The following ANKH variants were observed in gnomAD, a reference collection of about 807,000 sequenced individuals.
The protein encoded by ANKH is ANKH inorganic pyrophosphate transport regulator, also known as mineralization regulator ANKH.
ANKH carries 15 observed loss-of-function variants against 49.0 expected under a neutral mutation model. The observed-to-expected ratio is 0.31, with a 90% CI of 0.20 to 0.47. ANKH has a LOEUF of 0.47. Ranked by LOEUF, ANKH falls within the 20% of genes least tolerant of loss-of-function variation. The pLI is 1.00. For synonymous variants in ANKH, 273 were observed against 260.0 expected (o/e 1.05, Z -0.48); for missense variants, 429 against 652.0 (o/e 0.66, Z 3.72).
rs1268124678 is a variant in ANKH at position 14,768,992 on chromosome 5, A to C, written c.296T>G (p.Val99Gly). 3.7e-6 allele frequency: 6 copies of C among 1,614,092 alleles called. No individual in the cohort carries two copies. The highest frequency in any genetic ancestry group is 5.1e-6 in the Non-Finnish European group (6 of 1,180,044). The change falls in exon 2 of 12, where the codon GTC (valine) becomes GGC (glycine). Residue 99 changes from valine to glycine, a missense_variant. Val to Gly is a moderately radical substitution (Grantham distance 109, BLOSUM62 -3). Around this residue, in one of 2 missense-constraint regions of ANKH, gnomAD observed 378 missense variants for 615.3 expected, o/e 0.61. Coordinates refer to ENST00000284268, the MANE Select transcript of ANKH (RefSeq NM_054027.6). ...GGCCTCACCTATCAGTGTGTGAAAGACGGCAGCGATGGCCCCTGCCACCAC... is the reference window on the plus strand; with the variant it reads ...GGCCTCACCTATCAGTGTGTGAAAGCCGGCAGCGATGGCCCCTGCCACCAC... ...CMVVAGAIAAVFHTLIAYSDL... is the reference protein window; with the variant it reads ...CMVVAGAIAAGFHTLIAYSDL...
chr5:14,818,394 C>T (rs1741099963), intron 1 of ANKH, among the ~76,000 whole-genome samples: 1 of 151,896 alleles, frequency 6.6e-6, no homozygotes, highest in African/African-American at 2.4e-5. Flanking sequence ...AATCCCAACA[C>T]TTTGGGGGGC....
chr5:14,763,590 A>G (rs1394319610), intron 2 of ANKH, among the ~76,000 whole-genome samples: 1 of 152,242 alleles, frequency 6.6e-6, no homozygotes, highest in Non-Finnish European at 1.5e-5. Context: ...CCCATGCACA[A>G]TGTAAGTCAA....
chr5:14,871,238 A>G, intron 1 of ANKH, 114 bp downstream of exon 1: 1 of 921,784 alleles, frequency 1.1e-6, no homozygotes, highest in Non-Finnish European at 1.7e-6. Flanking sequence ...ACACCCGACC[A>G]AATGTTTCAG....
At chr5:14,762,817 A>C (rs1739133215) in intron 2 of ANKH, among the ~76,000 whole-genome samples, 1 of 152,238 alleles carries the variant, frequency 6.6e-6, no homozygotes, top group East Asian at 1.9e-4. Flanking sequence ...ATATTTAGCA[A>C]CCTTCAGCTT....
intron 1 of ANKH, among the ~76,000 whole-genome samples, chr5:14,825,480 T>C (rs4702056): frequency 0.27 from 41,214 of 152,006 alleles, 5,712 homozygotes; most frequent in Admixed American, 0.34. Context: ...GCCTCCCGAG[T>C]AGCTGAGACT....
chr5:14,781,219 C>T (rs1739795219), intron 1 of ANKH, among the ~76,000 whole-genome samples: 1 of 152,146 alleles, frequency 6.6e-6, no homozygotes, highest in East Asian at 1.9e-4. Flanking sequence ...AAATGAGACT[C>T]CCTCACTCTG....
chr5:14,804,826 T>G (rs1254347368), intron 1 of ANKH, among the ~76,000 whole-genome samples: 2 of 152,216 alleles, frequency 1.3e-5, no homozygotes, highest in Admixed American at 1.3e-4. Context: ...GATTTGGTTC[T>G]TTCTCTGGCA....
intron 7 of ANKH, among the ~76,000 whole-genome samples, chr5:14,743,854 C>T (rs1738444647): frequency 6.6e-6 from 1 of 152,148 alleles, no homozygotes; most frequent in African/African-American, 2.4e-5. Context: ...AAGAATAAAA[C>T]AATGTTTTTC....
At chr5:14,750,752 A>C (rs1480237654) in intron 5 of ANKH, among the ~76,000 whole-genome samples, 1 of 152,168 alleles carries the variant, frequency 6.6e-6, no homozygotes, top group Non-Finnish European at 1.5e-5. Context: ...ACCTTTGCTG[A>C]CTGCAGAATA....
Position 14,713,773 on chromosome 5 carries a change from CCCTGGCCTTG to C in ANKH, c.1142-116_1142-107del. On this transcript the variant is annotated intron_variant, in intron 9 of 11. Coordinates refer to ENST00000284268, the MANE Select transcript of ANKH (RefSeq NM_054027.6). The surrounding 1 kb of genome is among the most constrained non-coding windows in gnomAD (Gnocchi z 4.4). ...TCCGAGAGCCAGGGGCTGCCTAGGA[CCCTGGCCTTG>C]CTGTTGAGCCGCTGGCCACCTCATC... 1 of 1,540,732 alleles carries C rather than the reference CCCTGGCCTTG, an allele frequency of 6.5e-7. No homozygotes were observed. The highest frequency in any genetic ancestry group is 1.1e-5 in the South Asian group (1 of 89,316).
At chr5:14,797,379 C>T in intron 1 of ANKH, 1 of 1,610,850 alleles carries the variant, frequency 6.2e-7, no homozygotes, top group East Asian at 2.2e-5. Context: ...GACATTCGGT[C>T]TGTGATCAGT....
chr5:14,754,872 T>G (rs1421992717), intron 4 of ANKH, among the ~76,000 whole-genome samples: 1 of 152,074 alleles, frequency 6.6e-6, no homozygotes, highest in Non-Finnish European at 1.5e-5. Context: ...GGTCAGGAGT[T>G]TGAGACCAAC....
chr5:14,828,928 T>C (rs1287620104), intron 1 of ANKH, among the ~76,000 whole-genome samples: 2 of 152,198 alleles, frequency 1.3e-5, no homozygotes, highest in Non-Finnish European at 2.9e-5. Flanking sequence ...GGCTCACGCC[T>C]GTAATCCCAA....
At chr5:14,801,811 A>C (rs1018004954) in intron 1 of ANKH, among the ~76,000 whole-genome samples, 3 of 152,210 alleles carry the variant, frequency 2.0e-5, no homozygotes, top group African/African-American at 4.8e-5. Context: ...CATTCTACAT[A>C]TTCCCTAAGA....
Position 14,713,184 on chromosome 5 carries a change from A to G in ANKH, c.1266-211T>C, listed in dbSNP as rs1737304752. On this transcript the variant is annotated intron_variant, in intron 10 of 11. Coordinates refer to ENST00000284268, the MANE Select transcript of ANKH (RefSeq NM_054027.6). The surrounding 1 kb of genome is among the most constrained non-coding windows in gnomAD (Gnocchi z 4.4). ...CTGGGCCACCTCCCTCCCACAGCACATGGATCCCACAGCCCTTCCCACCCT... is the reference window on the plus strand; with the variant it reads ...CTGGGCCACCTCCCTCCCACAGCACGTGGATCCCACAGCCCTTCCCACCCT... Among the ~76,000 whole-genome samples the G allele has an allele frequency of 3.3e-5, 5 of 152,196 alleles. No individual in the cohort carries two copies. The South Asian group carries it at 1.0e-3, about 32-fold the overall frequency.
Position 14,716,732 on chromosome 5 carries a change from C to T in ANKH, c.1115G>A (p.Arg372Gln), listed in dbSNP as rs544848340. Residue 372 changes from arginine to glutamine, a missense_variant, in exon 9 of 12, where the codon CGG becomes CAG. Coordinates refer to ENST00000284268, the MANE Select transcript of ANKH (RefSeq NM_054027.6). ...TGGAACTGGGAAGAAGGAGAAGATC[C>T]GCAAAGGAACAACACAGAGTTCTGC... ...AFAELCVVPL[R>Q]IFSFFPVPVT... 7.9e-5 allele frequency: 128 copies of T among 1,613,860 alleles called. No individual in the cohort carries two copies. Among genetic ancestry groups the T allele is most frequent in the Admixed American group, 2.5e-4 (15 of 59,988 alleles).
At chr5:14,777,931 T>G (rs1380865428) in intron 1 of ANKH, among the ~76,000 whole-genome samples, 1 of 152,188 alleles carries the variant, frequency 6.6e-6, no homozygotes, top group Non-Finnish European at 1.5e-5. Flanking sequence ...GAGGAGAATG[T>G]CCCTTTCCAT....
At chr5:14,752,713 G>A (rs1738759158) in intron 4 of ANKH, among the ~76,000 whole-genome samples, 1 of 152,076 alleles carries the variant, frequency 6.6e-6, no homozygotes, top group African/African-American at 2.4e-5. Flanking sequence ...GGGCTGGTGG[G>A]AAAGAGTGTG....
intron 1 of ANKH, among the ~76,000 whole-genome samples, chr5:14,815,476 A>G (rs973585386): frequency 2.0e-5 from 3 of 152,122 alleles, no homozygotes; most frequent in Admixed American, 2.0e-4. Flanking sequence ...AATTTTTGCT[A>G]TTTTACCACT....
Sources: gnomAD v4.1 joint callset for allele counts (sites outside exome capture counted in the v4.1 genomes callset) on GRCh38, gnomAD v4.1.1 for gene constraint, gnomAD v4.1.1 regional missense constraint, Gnocchi (gnomAD v3.1) non-coding constraint, MANE v1.5 for transcripts, NCBI Gene and HGNC (gene_info 2026-07-23, HGNC 2026-07-21) for gene names.